Variants in LRRC1 observed in about 807,000 individuals in gnomAD.
LRRC1 encodes the protein leucine-rich repeat-containing protein 1.
Under a neutral mutation model 69.9 loss-of-function variants are expected in LRRC1, and 28 were observed. That is an observed-to-expected ratio of 0.40 (90% confidence interval 0.30 to 0.55). LRRC1 has a LOEUF of 0.55. Among genes scored for constraint, LRRC1 ranks in the 20% least tolerant of loss-of-function variants. The pLI is 0.47. For missense variants in LRRC1, 498 were observed against 609.0 expected, an observed-to-expected ratio of 0.82 and a Z score of 1.92; for synonymous variants, 236 against 240.2, an observed-to-expected ratio of 0.98 and a Z score of 0.16.
At chr6:53,814,295 A>G (rs1764886741) in intron 1 of LRRC1, among the ~76,000 whole-genome samples, 1 of 152,232 alleles carries the variant, frequency 6.6e-6, no homozygotes, top group Non-Finnish European at 1.5e-5. Flanking sequence ...AAATTAGCAG[A>G]TAAAAAGGTG....
At chr6:53,826,932 T>C (rs1400164288) in intron 1 of LRRC1, among the ~76,000 whole-genome samples, 5 of 152,272 alleles carry the variant, frequency 3.3e-5, no homozygotes, top group Admixed American at 6.5e-5. Flanking sequence ...TGCCCAACCT[T>C]GGCCCAACTT....
At chr6:53,846,222 G>T (rs192718662) in intron 2 of LRRC1, among the ~76,000 whole-genome samples, 3 of 152,152 alleles carry the variant, frequency 2.0e-5, no homozygotes, top group Non-Finnish European at 2.9e-5. Context: ...CATTTTAGGC[G>T]CAAAGTCAAG....
In LRRC1 at chr6:53,919,722, C is replaced by G. The variant is rs139336568; in HGVS notation, c.1279+52C>G. ...ACAGGGCCACGAGATTGAGTAGGAC[C>G]TAATGTCTGTCCATAAGGCCTCTTA... On this transcript the variant is annotated intron_variant, in intron 12 of 13. Transcript: ENST00000370888. The G allele has an allele frequency of 2.3e-4, 351 of 1,516,188 alleles. 2 individuals are homozygous for G. In the East Asian group the frequency reaches 7.9e-3, roughly 34 times the overall value. 93.9% of individuals were successfully genotyped at this position (1,516,188 alleles called of 1,614,324 possible).
intron 10 of LRRC1, among the ~76,000 whole-genome samples, chr6:53,911,263 A>G (rs1038710059): frequency 5.3e-5 from 8 of 152,262 alleles, no homozygotes; most frequent in African/African-American, 1.9e-4. Flanking sequence ...TTCCCAAATG[A>G]TTAATGGATC....
chr6:53,849,180 A>G (rs1033860389), intron 2 of LRRC1, among the ~76,000 whole-genome samples: 1 of 151,422 alleles, frequency 6.6e-6, no homozygotes, highest in East Asian at 1.9e-4. Flanking sequence ...GGTTCTCTCA[A>G]TGTTTTGTCT....
intron 10 of LRRC1, among the ~76,000 whole-genome samples, chr6:53,906,375 G>T (rs1434608111): frequency 6.6e-6 from 1 of 152,160 alleles, no homozygotes; most frequent in East Asian, 1.9e-4. Context: ...CTTTAGTTTG[G>T]ACACTACAGA....
chr6:53,900,069 G>C (rs1562066524), intron 8 of LRRC1, among the ~76,000 whole-genome samples, 178 bp downstream of exon 8: 2 of 117,598 alleles, frequency 1.7e-5, no homozygotes, highest in Non-Finnish European at 3.2e-5. Flanking sequence ...ATGGAGTCTC[G>C]CTCTGTCGCC....
chr6:53,873,163 T>C (rs1766950672), intron 2 of LRRC1, among the ~76,000 whole-genome samples: 1 of 152,228 alleles, frequency 6.6e-6, no homozygotes. Context: ...TAGAGATTTT[T>C]TACCTATTTG....
intron 4 of LRRC1, 87 bp from the exon 5 acceptor site, chr6:53,896,411 C>T: frequency 9.0e-7 from 1 of 1,105,858 alleles, no homozygotes; most frequent in East Asian, 2.4e-5. Context: ...AGTGTTGCAA[C>T]TTGTCCAGTG....
chr6:53,851,173 G>GACACACACAC (rs3222575), intron 2 of LRRC1, among the ~76,000 whole-genome samples: 3,515 of 144,730 alleles, frequency 0.024, 191 homozygotes, highest in Admixed American at 0.13. Flanking sequence ...GAACTAATAG[G>GACACACACAC]ACACACACAC....
At position 53,909,696 on chromosome 6, in the gene LRRC1, G is replaced by T. The variant is rs79881184; in HGVS notation, c.991-4158G>T. On this transcript the variant is annotated intron_variant, in intron 10 of 13. Coordinates refer to ENST00000370888, the MANE Select transcript of LRRC1 (RefSeq NM_018214.5). ...CAGGGAATCCCAAAGCCACACAATT[G>T]CCAAAAATATTTATGAAGTAGGGAA... 3.1e-3 allele frequency among the ~76,000 whole-genome samples: 478 copies of T among 151,938 alleles called. 7 individuals carry two copies. The East Asian group carries it at 0.041, about 13-fold the overall frequency.
chr6:53,901,656 C>T (rs1476300252), intron 8 of LRRC1, among the ~76,000 whole-genome samples: 1 of 152,138 alleles, frequency 6.6e-6, no homozygotes, highest in Non-Finnish European at 1.5e-5. Flanking sequence ...GACTAGTTGC[C>T]AGGAGACTTC....
At position 53,923,853 on chromosome 6, in the gene LRRC1, A is replaced by G. The variant is rs768260945; in HGVS notation, c.*1060A>G. 6.6e-6 allele frequency: 1 copy of G among 152,664 alleles called. No individual in the cohort carries two copies. Among genetic ancestry groups the G allele is most frequent in the Non-Finnish European group, 1.5e-5 (1 of 68,042 alleles). The allele number at this position is 152,664 out of a possible 1,614,324, so 9.5% of individuals were successfully genotyped here. ...CAACCACAATAAAGCAAAATAACCT[A>G]CTATCAAAATAGAAATGTTGCTATC... On this transcript the variant is annotated 3_prime_UTR_variant, in exon 14 of 14. Coordinates refer to ENST00000370888, the MANE Select transcript of LRRC1 (RefSeq NM_018214.5).
chr6:53,824,559 G>T (rs1385152867), intron 1 of LRRC1, among the ~76,000 whole-genome samples: 1 of 152,084 alleles, frequency 6.6e-6, no homozygotes, highest in Non-Finnish European at 1.5e-5. Flanking sequence ...TGAAATCTTT[G>T]CCTGTTCCTG....
Position 53,919,229 on chromosome 6 carries a change from C to CTCTT in LRRC1, c.1107-268_1107-267insCTTT, listed in dbSNP as rs1467923075. The CTCTT allele has an allele frequency of 1.6e-3, 118 of 72,268 alleles. 4 individuals are homozygous for CTCTT. The highest frequency in any genetic ancestry group is 8.2e-3 in the East Asian group (14 of 1,714). 4.5% of individuals were successfully genotyped at this position (72,268 alleles called of 1,614,324 possible). A position where few individuals can be genotyped will look rare whatever the true frequency, so the allele number is the denominator to read the frequency against. On this transcript the variant is annotated intron_variant, in intron 11 of 13. Transcript: ENST00000370888. ...AAATGTGTCCTGTAATTTTCTCTCT[C>CTCTT]TTTTTTTTTTTTTTTTTTTTTTTTT...
At position 53,795,370 on chromosome 6, in the gene LRRC1, G is replaced by A. The variant is rs749505877; in HGVS notation, c.114G>A (p.Leu38=). Residue 38 remains leucine (L), a synonymous_variant, in exon 1 of 14, where the codon CTG becomes CTA. Coordinates refer to ENST00000370888, the MANE Select transcript of LRRC1 (RefSeq NM_018214.5). The part of the protein sequence containing the change: ...PEEIYRYARS[L]EELLLDANQL... The stretch of plus-strand genomic sequence containing the variant: ...AGATCTACCGCTATGCCCGGAGCCT[G>A]GAGGAGCTGCTGCTGGACGCCAACC... 1.9e-6 allele frequency: 3 copies of A among 1,613,728 alleles called. No individual in the cohort carries two copies. The Admixed American group carries it at 5.0e-5, about 27-fold the overall frequency.
chr6:53,882,549 G>T (rs987904684), intron 3 of LRRC1, among the ~76,000 whole-genome samples: 1 of 152,094 alleles, frequency 6.6e-6, no homozygotes, highest in Non-Finnish European at 1.5e-5. Context: ...TTTAGCTGCA[G>T]CAATAATTCA....
At chr6:53,864,284 G>A (rs551816372) in intron 2 of LRRC1, among the ~76,000 whole-genome samples, 8 of 152,084 alleles carry the variant, frequency 5.3e-5, no homozygotes, top group Middle Eastern at 3.4e-3. Context: ...TTCACTTCCC[G>A]GCAAACTTGC....
chr6:53,909,011 A>G (rs1262447935), intron 10 of LRRC1, among the ~76,000 whole-genome samples: 2 of 152,246 alleles, frequency 1.3e-5, no homozygotes, highest in Non-Finnish European at 2.9e-5. Context: ...TGATAATAGT[A>G]AAAACTTTAG....
Sources: gnomAD v4.1 joint callset for allele counts (sites outside exome capture counted in the v4.1 genomes callset) on GRCh38, gnomAD v4.1.1 for gene constraint, MANE v1.5 for transcripts, NCBI Gene and HGNC (gene_info 2026-07-23, HGNC 2026-07-21) for gene names.